TRMT11: variants seen among roughly 807,000 people sequenced by gnomAD.
TRMT11 encodes tRNA (guanine(10)-N(2))-methyltransferase TRMT11.
Under a neutral mutation model 62.8 loss-of-function variants are expected in TRMT11, and 53 were observed. That is an observed-to-expected ratio of 0.84 (90% CI 0.68 to 1.06). The LOEUF (loss-of-function observed/expected upper bound fraction) is 1.06, where lower values mean the gene tolerates loss of function less well. Among genes scored for constraint, TRMT11 ranks in the 50% least tolerant of loss-of-function variants. The pLI is 0.00. For synonymous variants in TRMT11, 188 were observed against 190.3 expected, an observed-to-expected ratio of 0.99 and a Z score of 0.10; for missense variants, 556 against 553.4, an observed-to-expected ratio of 1.00 and a Z score of -0.05.
chr6:126,065,569 A>G (rs1776665066), intron 17 of TRMT11, among the ~76,000 whole-genome samples: 1 of 152,178 alleles, frequency 6.6e-6, no homozygotes, highest in African/African-American at 2.4e-5. Context: ...AATTATTATG[A>G]TCTTGAGAAA....
intron 21 of TRMT11, among the ~76,000 whole-genome samples, chr6:126,154,195 G>A (rs1448524574): frequency 6.6e-6 from 1 of 152,126 alleles, no homozygotes; most frequent in East Asian, 1.9e-4. Context: ...TCTTTATAGT[G>A]TATTGCTACC....
At chr6:126,105,001 A>G (rs1449142392) in intron 17 of TRMT11, among the ~76,000 whole-genome samples, 1 of 152,180 alleles carries the variant, frequency 6.6e-6, no homozygotes, top group Non-Finnish European at 1.5e-5. Context: ...TTTGGAGCTG[A>G]TCCGATAAGG....
At chr6:126,162,031 G>A (rs1178944002) in intron 21 of TRMT11, among the ~76,000 whole-genome samples, 1 of 152,122 alleles carries the variant, frequency 6.6e-6, no homozygotes, top group African/African-American at 2.4e-5. Context: ...TTTGATGATA[G>A]TTTCTTTTGC....
chr6:126,210,876 G>A, the TRMT11 span, among the ~76,000 whole-genome samples: 1 of 151,808 alleles, frequency 6.6e-6, no homozygotes, highest in Admixed American at 6.6e-5. Flanking sequence ...TTCATTTTAT[G>A]TATTTGTGGC....
intron 1 of TRMT11, among the ~76,000 whole-genome samples, chr6:125,992,886 G>A (rs1403009849): frequency 6.6e-6 from 1 of 152,166 alleles, no homozygotes; most frequent in African/African-American, 2.4e-5. Flanking sequence ...TTTAAAAAAT[G>A]ATTTGTTGCA....
chr6:126,090,301 G>C (rs2128166279), intron 17 of TRMT11, among the ~76,000 whole-genome samples: 1 of 152,320 alleles, frequency 6.6e-6, no homozygotes, highest in South Asian at 2.1e-4. Context: ...GCTGAGCATA[G>C]AGTATACGTT....
At chr6:126,128,607 T>C (rs1038499499) in intron 21 of TRMT11, among the ~76,000 whole-genome samples, 5 of 152,122 alleles carry the variant, frequency 3.3e-5, no homozygotes, top group Non-Finnish European at 5.9e-5. Context: ...CAAAAAGGAA[T>C]CTTCCTTGCA....
At chr6:126,185,744 G>A (rs913142166) in intron 1 of TRMT11, among the ~76,000 whole-genome samples, 5 of 152,158 alleles carry the variant, frequency 3.3e-5, no homozygotes, top group African/African-American at 1.2e-4. Flanking sequence ...AAGAAGAGAG[G>A]TTTAATTGAC....
At chr6:126,040,587 CTA>C (rs1369681792), downstream of TRMT11, among the ~76,000 whole-genome samples, 4 of 151,998 alleles carry the variant, frequency 2.6e-5, no homozygotes, top group South Asian at 6.2e-4. Context: ...CTCTGGTTTT[CTA>C]TGTTACCACT....
the TRMT11 span, among the ~76,000 whole-genome samples, chr6:126,247,999 C>A: frequency 6.6e-6 from 1 of 152,004 alleles, no homozygotes; most frequent in African/African-American, 2.4e-5. Flanking sequence ...CCACTTATTG[C>A]TTCCAATAAA....
rs150248621 is a variant in TRMT11, at chr6:126,172,017, C to A, written c.*1824-2808C>A. ...TACAGGCAAGAGCCACCACACCTGG[C>A]CTTTAAAGGGCTTTTTAAAAAAAGG... On this transcript the variant is annotated intron_variant and NMD_transcript_variant, in intron 21 of 22. Coordinates refer to the TRMT11 transcript ENST00000648977. Among the ~76,000 whole-genome samples the A allele has an allele frequency of 4.0e-3, 608 of 152,132 alleles. 3 individuals are homozygous for A. Among genetic ancestry groups the A allele is most frequent in the African/African-American group, 0.013 (541 of 41,488 alleles).
chr6:126,006,858 TG>T (rs1430897942), intron 7 of TRMT11: 2 of 152,012 alleles, frequency 1.3e-5, no homozygotes, highest in Non-Finnish European at 2.9e-5. Context: ...ACTTGTAAAT[TG>T]GGTCTTCTCA....
At chr6:126,080,370 T>G (rs1777135912) in intron 17 of TRMT11, among the ~76,000 whole-genome samples, 1 of 152,026 alleles carries the variant, frequency 6.6e-6, no homozygotes, top group Non-Finnish European at 1.5e-5. Flanking sequence ...TCAACAGGCA[T>G]AAACCACCAC....
intron 21 of TRMT11, among the ~76,000 whole-genome samples, chr6:126,123,867 C>T (rs1583881825): frequency 6.6e-6 from 1 of 151,976 alleles, no homozygotes; most frequent in African/African-American, 2.4e-5. Context: ...TGTTCTGTCT[C>T]ACTTATTTCC....
chr6:126,248,943 C>T, the TRMT11 span, among the ~76,000 whole-genome samples: 1 of 152,058 alleles, frequency 6.6e-6, no homozygotes, highest in Non-Finnish European at 1.5e-5. Flanking sequence ...AGATTATTGT[C>T]CCCTGGGATG....
At chr6:126,108,446 A>C (rs533861592) in intron 17 of TRMT11, among the ~76,000 whole-genome samples, 1 of 152,364 alleles carries the variant, frequency 6.6e-6, no homozygotes, top group South Asian at 2.1e-4. Flanking sequence ...CCTATGTGGC[A>C]CATAAAATAT....
At position 126,193,490 on chromosome 6, in the gene TRMT11, A is replaced by ATTTTTTTT. The variant is rs60064329; in HGVS notation, n.144-5292_144-5285dup. 3.0e-4 allele frequency among the ~76,000 whole-genome samples: 22 copies of ATTTTTTTT among 73,284 alleles called. 2 individuals are homozygous for ATTTTTTTT. Among genetic ancestry groups the ATTTTTTTT allele is most frequent in the African/African-American group, 1.1e-3 (20 of 17,922 alleles). 48.1% of individuals were successfully genotyped at this position (73,284 alleles called of 152,430 possible). ...GGTTATTTAAGAGGAGCGTTTCTGT[A>ATTTTTTTT]TTTTTTTTTTTTTTTTTTTTTTTTG... On this transcript the variant is annotated intron_variant and non_coding_transcript_variant, in intron 1 of 3. Transcript: ENST00000444229.
chr6:125,987,766 T>C (rs977129232), intron 1 of TRMT11, among the ~76,000 whole-genome samples: 27 of 152,188 alleles, frequency 1.8e-4, no homozygotes, highest in Non-Finnish European at 5.9e-5. Context: ...GGGGTGTATA[T>C]AGGTAGGAGT....
chr6:126,173,281 TGAG>T (rs1368507622), upstream of TRMT11, among the ~76,000 whole-genome samples: 4 of 152,204 alleles, frequency 2.6e-5, no homozygotes, highest in Non-Finnish European at 5.9e-5. Flanking sequence ...AAAGCATCCT[TGAG>T]GAGAGATTAG....
Sources: allele counts gnomAD v4.1 joint callset (sites outside exome capture counted in the v4.1 genomes callset), GRCh38; gene constraint gnomAD v4.1.1; transcripts MANE v1.5; gene names NCBI Gene and HGNC (gene_info 2026-07-23, HGNC 2026-07-21).